PTPN20: variants seen among roughly 807,000 people sequenced by gnomAD.
The protein encoded by PTPN20 is protein tyrosine phosphatase non-receptor type 20, also known as tyrosine-protein phosphatase non-receptor type 20.
Under a neutral mutation model 35.0 loss-of-function variants are expected in PTPN20, and 9 were observed. That is an observed-to-expected ratio of 0.26 (90% CI 0.15 to 0.45). PTPN20 has a LOEUF of 0.45. Ranked by LOEUF, PTPN20 falls within the 20% of genes least tolerant of loss-of-function variation. PTPN20 has a pLI of 1.00. For synonymous variants in PTPN20, 32 were observed against 100.2 expected (o/e 0.32, Z 4.06); for missense variants, 111 against 312.5 (o/e 0.36, Z 4.86).
In PTPN20 at chr10:46,994,629, C is replaced by T. The variant is rs989837687; in HGVS notation, c.1135-5283C>T. Among the ~76,000 whole-genome samples, 49 of 152,178 alleles carry T rather than the reference C, an allele frequency of 3.2e-4. No homozygotes were observed. The South Asian group carries it at 6.9e-3, about 21-fold the overall frequency. On this transcript the variant is annotated intron_variant, in intron 9 of 10. Coordinates refer to ENST00000374339, the MANE Select transcript of PTPN20 (RefSeq NM_001042357.5). The stretch of plus-strand genomic sequence containing the variant: ...GATTACAAGCGTGAGCCACCGCGCC[C>T]GGCCCTGATGCTCTTATACCTGAAT...
Position 47,002,300 on chromosome 10 carries a change from T to C in PTPN20, c.*1559T>C, listed in dbSNP as rs2060109651. 1.3e-5 allele frequency: 2 copies of C among 152,286 alleles called. No homozygotes were observed. Among genetic ancestry groups the C allele is most frequent in the Non-Finnish European group, 2.9e-5 (2 of 67,930 alleles). The allele number at this position is 152,286 out of a possible 1,614,324, so 9.4% of individuals were successfully genotyped here. On this transcript the variant is annotated 3_prime_UTR_variant, in exon 11 of 11. Coordinates refer to ENST00000374339, the MANE Select transcript of PTPN20 (RefSeq NM_001042357.5). Reference sequence around the variant, plus strand: ...CTTCAGAAGAATTCTATGCTATTATTAAAATAAAATATTTACTGTGTATTG... The same window carrying C: ...CTTCAGAAGAATTCTATGCTATTATCAAAATAAAATATTTACTGTGTATTG...
chr10:46,968,511 C>G (rs1484559560), intron 7 of PTPN20, among the ~76,000 whole-genome samples: 6 of 152,080 alleles, frequency 3.9e-5, no homozygotes, highest in African/African-American at 1.4e-4. Context: ...CTCCACAGAG[C>G]CTTAACATTG....
intron 5 of PTPN20, among the ~76,000 whole-genome samples, chr10:46,950,668 TATGCTA>T (rs1412977450): frequency 2.6e-5 from 4 of 151,998 alleles, no homozygotes; most frequent in African/African-American, 7.3e-5. Context: ...AAAGTTAATG[TATGCTA>T]ATATTTTAGT....
At position 46,940,577 on chromosome 10, in the gene PTPN20, T is replaced by C. The variant is rs1257453424; in HGVS notation, c.35-46T>C. The C allele has an allele frequency of 3.3e-6, 5 of 1,532,296 alleles. No individual in the cohort carries two copies. In the East Asian group the frequency reaches 1.1e-4, roughly 35 times the overall value. The allele number at this position is 1,532,296 out of a possible 1,614,324, so 94.9% of individuals were successfully genotyped here. On this transcript the variant is annotated intron_variant, in intron 2 of 10. Transcript: ENST00000374339. ...CATTAAGGCTCCATTTTTCCTTCTG[T>C]ATAGTGTTTTCTATTTGATCAGTTT...
rs1460911406 is a variant in PTPN20, at chr10:46,953,777, A to C, written c.340+7102A>C. On this transcript the variant is annotated intron_variant, in intron 5 of 10. Transcript: ENST00000374339. ...GATAAGCCCAACTTTGTGATGGTGT[A>C]ATATTGTTTTTATGTTTTACGATTT... is the stretch of plus-strand genomic sequence containing the variant. Among the ~76,000 whole-genome samples, 74 of 148,286 alleles carry C rather than the reference A, an allele frequency of 5.0e-4. 1 individual carries two copies. The highest frequency in any genetic ancestry group is 1.8e-3 in the African/African-American group (68 of 38,274).
intron 2 of PTPN20, among the ~76,000 whole-genome samples, chr10:46,939,554 A>T: frequency 7.6e-6 from 1 of 131,100 alleles, no homozygotes; most frequent in African/African-American, 3.1e-5. Flanking sequence ...TTTGCTGATT[A>T]TTCTTTAGGC....
intron 1 of PTPN20, among the ~76,000 whole-genome samples, chr10:46,922,748 C>A (rs1230594824): frequency 7.2e-6 from 1 of 139,476 alleles, no homozygotes; most frequent in Admixed American, 6.9e-5. Context: ...CCCTGGAAAC[C>A]TAATGAAAAT....
At chr10:47,002,714 A>T (rs933283106), downstream of PTPN20, among the ~76,000 whole-genome samples, 1 of 151,932 alleles carries the variant, frequency 6.6e-6, no homozygotes, top group South Asian at 2.1e-4. Flanking sequence ...TTTTAAATAC[A>T]TATTTTTAAA....
rs1361408398 is a variant in PTPN20, at chr10:46,937,981, A to T, written c.35-2642A>T. On this transcript the variant is annotated intron_variant, in intron 2 of 10. Coordinates refer to ENST00000374339, the MANE Select transcript of PTPN20 (RefSeq NM_001042357.5). ...TTTTTTTTTTCTTAGACAGAGTCTCACTCTGTCTCATAGGCTGGAGTGCAG... is the reference window on the plus strand; with the variant it reads ...TTTTTTTTTTCTTAGACAGAGTCTCTCTCTGTCTCATAGGCTGGAGTGCAG... Among the ~76,000 whole-genome samples the T allele has an allele frequency of 6.9e-4, 93 of 134,996 alleles. 1 individual carries two copies. In the East Asian group the frequency reaches 0.019, roughly 27 times the overall value. The allele number at this position is 134,996 out of a possible 152,430, so 88.6% of individuals were successfully genotyped here. A position where few individuals can be genotyped will look rare whatever the true frequency, so the allele number is the denominator to read the frequency against.
chr10:46,972,433 TA>T (rs1228880504), intron 7 of PTPN20, among the ~76,000 whole-genome samples: 2 of 133,458 alleles, frequency 1.5e-5, no homozygotes, highest in African/African-American at 5.4e-5. Flanking sequence ...CTAATAAAGT[TA>T]AACATGTACC....
intron 2 of PTPN20, among the ~76,000 whole-genome samples, 164 bp downstream of exon 2, chr10:46,932,697 A>C (rs2040135520): frequency 6.6e-6 from 1 of 151,674 alleles, no homozygotes; most frequent in Non-Finnish European, 1.5e-5. Context: ...CTGCATTTCT[A>C]ATAAGCCATC....
chr10:46,972,302 T>G (rs1209123738), intron 7 of PTPN20, among the ~76,000 whole-genome samples: 2 of 152,262 alleles, frequency 1.3e-5, no homozygotes, highest in African/African-American at 4.8e-5. Flanking sequence ...TCAGGGAAGA[T>G]ATAAGGATGG....
intron 9 of PTPN20, 73 bp from the exon 10 acceptor site, chr10:46,999,839 C>G: frequency 6.5e-7 from 1 of 1,538,820 alleles, no homozygotes; most frequent in Non-Finnish European, 9.0e-7. Flanking sequence ...TCTCTTTCAC[C>G]CTTTTTGGCA....
At chr10:46,976,398 CTTTT>C (rs1198403320) in intron 7 of PTPN20, among the ~76,000 whole-genome samples, 1 of 69,666 alleles carries the variant, frequency 1.4e-5, no homozygotes, top group East Asian at 3.4e-4. Context: ...TCAAGCTCTA[CTTTT>C]TTTTTTTTTT....
At chr10:46,998,046 A>G (rs1193007842) in intron 9 of PTPN20, among the ~76,000 whole-genome samples, 1 of 152,218 alleles carries the variant, frequency 6.6e-6, no homozygotes. Context: ...ACGGAAAACA[A>G]TTGAGCAGTT....
At chr10:46,959,790 GT>G (rs1259791326) in intron 5 of PTPN20, among the ~76,000 whole-genome samples, 4 of 127,478 alleles carry the variant, frequency 3.1e-5, no homozygotes, top group African/African-American at 1.2e-4. Flanking sequence ...ACCTTTGACA[GT>G]TTTGACCCCA....
At chr10:46,994,482 C>T (rs2058666579) in intron 9 of PTPN20, among the ~76,000 whole-genome samples, 1 of 151,888 alleles carries the variant, frequency 6.6e-6, no homozygotes, top group African/African-American at 2.4e-5. Flanking sequence ...CAGGCGCCCG[C>T]CATCACGCCC....
intron 1 of PTPN20, among the ~76,000 whole-genome samples, chr10:46,925,055 T>G (rs1434283479): frequency 3.3e-5 from 5 of 150,752 alleles, no homozygotes; most frequent in Non-Finnish European, 5.9e-5. Context: ...GACATATTTG[T>G]GACATACTCG....
Position 47,000,983 on chromosome 10 carries a change from C to T in PTPN20, c.*242C>T, listed in dbSNP as rs2138310934. Reference sequence around the variant, plus strand: ...TAACTTCCCACATTTTCCAGTGAAACAGATGTTACATAAAACGATTGCAGC... The same window carrying T: ...TAACTTCCCACATTTTCCAGTGAAATAGATGTTACATAAAACGATTGCAGC... On this transcript the variant is annotated 3_prime_UTR_variant, in exon 11 of 11. Transcript: ENST00000374339. 1.7e-6 allele frequency: 1 copy of T among 574,390 alleles called. No individual in the cohort carries two copies. The highest frequency in any genetic ancestry group is 3.1e-6 in the Non-Finnish European group (1 of 317,468). The allele number at this position is 574,390 out of a possible 1,614,324, so 35.6% of individuals were successfully genotyped here.
Sources: gnomAD v4.1 joint callset for allele counts (sites outside exome capture counted in the v4.1 genomes callset) on GRCh38, gnomAD v4.1.1 for gene constraint, MANE v1.5 for transcripts, NCBI Gene and HGNC (gene_info 2026-07-23, HGNC 2026-07-21) for gene names.